RUVBL2: variants seen among roughly 807,000 people sequenced by gnomAD.
The protein encoded by RUVBL2 is ruvB-like 2.
In RUVBL2, 9 loss-of-function variants were observed where a neutral mutation model predicts 57.9. That is an observed-to-expected ratio of 0.16 (90% CI 0.09 to 0.27). The LOEUF is 0.27. RUVBL2 is among the 10% of genes least tolerant of loss of function. The probability of loss-of-function intolerance (pLI) is 1.00; values close to 1 mark genes in which losing one functional copy is unlikely to be tolerated. For missense variants in RUVBL2, 456 were observed against 669.6 expected, an observed-to-expected ratio of 0.68 and a Z score of 3.52; for synonymous variants, 278 against 264.6, an observed-to-expected ratio of 1.05 and a Z score of -0.49.
rs550156979 is a variant in RUVBL2, at chr19:49,010,000, G to T, written c.597G>T (p.Thr199=). 2 of 1,590,734 alleles carry T rather than the reference G, an allele frequency of 1.3e-6. No individual in the cohort carries two copies. The highest frequency in any genetic ancestry group is 2.7e-5 in the African/African-American group (2 of 74,392). Residue 199 remains threonine, a synonymous_variant, in exon 8 of 15, where the codon ACG becomes ACT. Coordinates refer to ENST00000595090, the MANE Select transcript of RUVBL2 (RefSeq NM_006666.3). ...ACGTGATCACCATCGACAAGGCGACGGGCAAGATCTCCAAGCTGGGCCGCT... is the reference window on the plus strand; with the variant it reads ...ACGTGATCACCATCGACAAGGCGACTGGCAAGATCTCCAAGCTGGGCCGCT... ...AGDVITIDKA[T]GKISKLGRSF...
At position 49,011,367 on chromosome 19, in the gene RUVBL2, G is replaced by A; in HGVS notation, c.1001+57G>A. 1 of 1,379,282 alleles carries A rather than the reference G, an allele frequency of 7.3e-7. No individual in the cohort carries two copies. Among genetic ancestry groups the A allele is most frequent in the Non-Finnish European group, 1.0e-6 (1 of 971,418 alleles). The allele number at this position is 1,379,282 out of a possible 1,614,324, so 85.4% of individuals were successfully genotyped here. A position where few individuals can be genotyped will look rare whatever the true frequency, so the allele number is the denominator to read the frequency against. The stretch of plus-strand genomic sequence containing the variant: ...CAGGATGCTCTGGGCAGTGGGTGTG[G>A]TCAGAGGGTCAATGGGAGCCTGTGT... On this transcript the variant is annotated intron_variant, in intron 11 of 14. Transcript: ENST00000595090. This position sits in a 1 kb window ranked among gnomAD's most constrained non-coding sequence, Gnocchi z 4.4.
chr19:49,010,089 C>T (rs2039380046), intron 8 of RUVBL2, 23 bp downstream of exon 8: 2 of 1,602,886 alleles, frequency 1.2e-6, no homozygotes, highest in African/African-American at 1.3e-5. Flanking sequence ...CTCCCGGGAT[C>T]CCCTCGCCCC....
intron 8 of RUVBL2, 114 bp from the exon 9 acceptor site, chr19:49,010,374 T>C: frequency 9.1e-7 from 1 of 1,095,756 alleles, no homozygotes; most frequent in East Asian, 2.4e-5. Flanking sequence ...CCATTTAGCC[T>C]CCCAGCTCCA....
At chr19:49,008,314 C>T (rs2039325863) in intron 6 of RUVBL2, among the ~76,000 whole-genome samples, 1 of 149,458 alleles carries the variant, frequency 6.7e-6, no homozygotes, top group Admixed American at 6.6e-5. Context: ...AATCTCAGCT[C>T]ACGGCAAGCT....
intron 2 of RUVBL2, among the ~76,000 whole-genome samples, chr19:49,000,890 G>T (rs1365411539): frequency 3.3e-5 from 5 of 151,938 alleles, no homozygotes; most frequent in Non-Finnish European, 5.9e-5. Flanking sequence ...GGGCATGATG[G>T]GTCACGCCTG....
At chr19:49,014,947 G>T in intron 12 of RUVBL2, 74 bp from the exon 13 acceptor site, 1 of 1,531,364 alleles carries the variant, frequency 6.5e-7, no homozygotes, top group Non-Finnish European at 8.8e-7. Context: ...GGGCCAGAGG[G>T]TTGCTGTGGC....
intron 2 of RUVBL2, among the ~76,000 whole-genome samples, chr19:48,999,907 G>A (rs531392849): frequency 6.6e-6 from 1 of 152,320 alleles, no homozygotes; most frequent in East Asian, 1.9e-4. Context: ...CTCACACAGA[G>A]CAGGAAGTTG....
chr19:49,006,783 C>A (rs2039288948), intron 4 of RUVBL2, among the ~76,000 whole-genome samples: 1 of 152,374 alleles, frequency 6.6e-6, no homozygotes, highest in Non-Finnish European at 1.5e-5. Context: ...CTAAGCCAGG[C>A]CTGCCGGAGC....
chr19:49,015,517 G>C, intron 13 of RUVBL2, 55 bp from the exon 14 acceptor site: 1 of 1,329,632 alleles, frequency 7.5e-7, no homozygotes, highest in South Asian at 1.2e-5. Context: ...GCTGGGGTCT[G>C]TGCCTTGAGC....
chr19:49,004,365 G>A lies in RUVBL2; in HGVS notation c.212G>A (p.Arg71Gln), dbSNP rs775309641. The A allele has an allele frequency of 6.8e-6, 11 of 1,613,116 alleles. No individual in the cohort carries two copies. Among genetic ancestry groups the A allele is most frequent in the East Asian group, 4.5e-5 (2 of 44,874 alleles). Residue 71 changes from arginine (R) to glutamine (Q), a missense_variant, in exon 4 of 15, where the codon CGG becomes CAG. Arg to Gln is a conservative substitution (Grantham distance 43). Transcript: ENST00000595090. ...ATCCGGGAAGGGAAGATTGCCGGTC[G>A]GGCAGTCCTTATTGCTGGCCAGCCG... ...EMIREGKIAG[R>Q]AVLIAGQPGT...
In RUVBL2 at chr19:49,012,861, A is replaced by ACATACACACG. The variant is rs1273588734; in HGVS notation, c.1001+1553_1001+1554insTACACACGCA. On this transcript the variant is annotated intron_variant, in intron 11 of 14. Transcript: ENST00000595090. ...GTGCCCACCACACACACACACACAC[A>ACATACACACG]CACACACACACACACACACACACCA... 4.8e-3 allele frequency among the ~76,000 whole-genome samples: 714 copies of ACATACACACG among 147,954 alleles called. 5 individuals are homozygous for ACATACACACG. The highest frequency in any genetic ancestry group is 0.018 in the African/African-American group (674 of 38,058).
intron 1 of RUVBL2, chr19:48,994,291 A>C (rs1341381674): frequency 3.4e-6 from 1 of 292,240 alleles, no homozygotes; most frequent in African/African-American, 2.1e-5. Flanking sequence ...GGAGCCTTGG[A>C]TTGTTAGTGG....
At chr19:49,008,603 T>C (rs2122627971) in intron 6 of RUVBL2, among the ~76,000 whole-genome samples, 1 of 151,922 alleles carries the variant, frequency 6.6e-6, no homozygotes. Context: ...CCCAGCACTT[T>C]GGGAGGCTGA....
intron 14 of RUVBL2, 57 bp from the exon 15 acceptor site, chr19:49,015,760 G>A (rs1383141937): frequency 4.2e-5 from 67 of 1,613,038 alleles, no homozygotes; most frequent in Non-Finnish European, 5.2e-5. Flanking sequence ...CGGCGTAGAA[G>A]GCTCAGGCCC....
intron 4 of RUVBL2, 124 bp downstream of exon 4, chr19:49,004,542 G>A (rs900677087): frequency 2.1e-6 from 2 of 935,096 alleles, no homozygotes; most frequent in African/African-American, 1.7e-5. Flanking sequence ...TAAACACTCA[G>A]GATTCATTCT....
chr19:49,011,495 G>A lies in RUVBL2; in HGVS notation c.1001+185G>A, dbSNP rs551816326. The stretch of plus-strand genomic sequence containing the variant: ...CTTCCCGAGGAAGCCCAGAGACTGT[G>A]TTCTTGCTGCCTTTCTGTCTTGCTG... On this transcript the variant is annotated intron_variant, in intron 11 of 14. Transcript: ENST00000595090. This position sits in a 1 kb window ranked among gnomAD's most constrained non-coding sequence, Gnocchi z 4.4. 1.4e-4 allele frequency among the ~76,000 whole-genome samples: 22 copies of A among 152,198 alleles called. No individual in the cohort carries two copies. Among genetic ancestry groups the A allele is most frequent in the Non-Finnish European group, 2.4e-4 (16 of 68,040 alleles).
At chr19:49,015,360 A>G in intron 13 of RUVBL2, 1 of 718,458 alleles carries the variant, frequency 1.4e-6, no homozygotes, top group Non-Finnish European at 2.3e-6. Flanking sequence ...TGTTAGGTCC[A>G]CCTTACAGAT....
chr19:49,002,702 A>G (rs2039207694), intron 2 of RUVBL2, among the ~76,000 whole-genome samples: 1 of 152,168 alleles, frequency 6.6e-6, no homozygotes, highest in African/African-American at 2.4e-5. Flanking sequence ...CTCCTGCCTC[A>G]GCCTCCTGAG....
intron 4 of RUVBL2, among the ~76,000 whole-genome samples, chr19:49,004,658 G>C (rs1411629740): frequency 6.6e-6 from 1 of 152,138 alleles, no homozygotes; most frequent in Non-Finnish European, 1.5e-5. Flanking sequence ...TTCCAGTCAA[G>C]AGGACGCCAT....
Sources: allele counts gnomAD v4.1 joint callset (sites outside exome capture counted in the v4.1 genomes callset), GRCh38; gene constraint gnomAD v4.1.1; non-coding constraint Gnocchi (gnomAD v3.1); transcripts MANE v1.5; gene names NCBI Gene and HGNC (gene_info 2026-07-23, HGNC 2026-07-21).